CMC2: variants seen among roughly 807,000 people sequenced by gnomAD.
CMC2 encodes COX assembly mitochondrial protein 2 homolog.
In CMC2, 5 loss-of-function variants were observed where a neutral mutation model predicts 7.5. The ratio of observed to expected loss-of-function variants is 0.66; its 90% CI spans 0.35 to 1.40. The LOEUF is 1.40. Ranked by LOEUF, CMC2 falls within the 40% of genes most tolerant of loss-of-function variation. The pLI is 0.04. For missense variants in CMC2, 115 were observed against 92.3 expected (o/e 1.25, Z -1.01); for synonymous variants, 37 against 31.4 (o/e 1.18, Z -0.60).
chr16:80,997,214 G>A (rs1968495445), intron 2 of CMC2, 100 bp downstream of exon 2: 1 of 760,370 alleles, frequency 1.3e-6, no homozygotes, highest in Non-Finnish European at 2.3e-6. Context: ...TCCTTACTAA[G>A]ACATTATCGT....
chr16:80,976,064 T>C lies in CMC2; in HGVS notation c.*29A>G, dbSNP rs1473521020. 1 of 1,335,000 alleles carries C rather than the reference T, an allele frequency of 7.5e-7. No homozygotes were observed. Among genetic ancestry groups the C allele is most frequent in the South Asian group, 1.2e-5 (1 of 85,396 alleles). The allele number at this position is 1,335,000 out of a possible 1,614,324, so 82.7% of individuals were successfully genotyped here. ...CAACCCAGAGTCTTTAGGTCTTCTCTCAGCCAAGGCATCGAGTGAAAATAC... is the reference window on the plus strand; with the variant it reads ...CAACCCAGAGTCTTTAGGTCTTCTCCCAGCCAAGGCATCGAGTGAAAATAC... On this transcript the variant is annotated 3_prime_UTR_variant, in exon 4 of 4. Coordinates refer to ENST00000219400, the MANE Select transcript of CMC2 (RefSeq NM_020188.5).
intron 1 of CMC2, among the ~76,000 whole-genome samples, chr16:81,006,122 T>C (rs1229756703): frequency 6.6e-6 from 1 of 152,172 alleles, no homozygotes; most frequent in African/African-American, 2.4e-5. Flanking sequence ...ACTGATTTAC[T>C]TAAGACTCTA....
At chr16:80,988,568 GA>G in intron 2 of CMC2, 1 of 701,206 alleles carries the variant, frequency 1.4e-6, no homozygotes, top group East Asian at 2.7e-5. Context: ...CTTCTGAACC[GA>G]GTAAGTTGCA....
intron 3 of CMC2, among the ~76,000 whole-genome samples, chr16:80,977,560 T>C (rs765478280): frequency 2.0e-5 from 3 of 152,184 alleles, no homozygotes; most frequent in Non-Finnish European, 4.4e-5. Context: ...AGATTAGTGA[T>C]ACCGAGCTCA....
At chr16:80,977,205 C>T (rs1199899426) in intron 3 of CMC2, among the ~76,000 whole-genome samples, 2 of 152,190 alleles carry the variant, frequency 1.3e-5, no homozygotes, top group African/African-American at 4.8e-5. Context: ...TAATCAGCTA[C>T]ATATAAACAC....
At chr16:80,995,653 T>C (rs1274418648) in intron 2 of CMC2, among the ~76,000 whole-genome samples, 1 of 152,112 alleles carries the variant, frequency 6.6e-6, no homozygotes, top group East Asian at 1.9e-4. Context: ...TGAGACTCCA[T>C]CTCAAAAACA....
At position 80,972,806 on chromosome 16, in the gene CMC2, T is replaced by C. The variant is rs1912021130; in HGVS notation, c.*3287A>G. ...CCCTACAATGCCTTCCTGTTGCCCT[T>C]AGCAGGAAAGCCAGACTCCCTAAGA... On this transcript the variant is annotated 3_prime_UTR_variant, in exon 4 of 4. Coordinates refer to ENST00000219400, the MANE Select transcript of CMC2 (RefSeq NM_020188.5). 1 of 152,228 alleles carries C rather than the reference T, an allele frequency of 6.6e-6. No individual in the cohort carries two copies. Among genetic ancestry groups the C allele is most frequent in the Non-Finnish European group, 1.5e-5 (1 of 68,060 alleles). 9.4% of individuals were successfully genotyped at this position (152,228 alleles called of 1,614,324 possible). A position where few individuals can be genotyped will look rare whatever the true frequency, so the allele number is the denominator to read the frequency against.
chr16:80,981,557 A>G (rs1029511731), intron 3 of CMC2, among the ~76,000 whole-genome samples: 19 of 152,180 alleles, frequency 1.2e-4, no homozygotes, highest in African/African-American at 3.6e-4. Context: ...ATTCATCCAG[A>G]TGACCTACAG....
intron 2 of CMC2, 89 bp from the exon 3 acceptor site, chr16:80,981,966 G>A: frequency 1.4e-6 from 1 of 695,506 alleles, no homozygotes; most frequent in East Asian, 2.7e-5. Context: ...ACAGACATGA[G>A]TTTACAGTGT....
chr16:80,997,548 G>A (rs190398633), intron 1 of CMC2, 119 bp from the exon 2 acceptor site: 27 of 538,026 alleles, frequency 5.0e-5, no homozygotes, highest in African/African-American at 4.6e-4. Flanking sequence ...TTAACCAGCT[G>A]TGTGACCTCA....
intron 1 of CMC2, among the ~76,000 whole-genome samples, chr16:81,004,612 G>A (rs768217281): frequency 1.3e-5 from 2 of 152,228 alleles, no homozygotes; most frequent in Non-Finnish European, 1.5e-5. Flanking sequence ...ATTTTCAGCT[G>A]TCAAATGTGT....
Position 80,997,352 on chromosome 16 carries a change from T to C in CMC2, c.43A>G (p.Asn15Asp). 1 of 1,611,796 alleles carries C rather than the reference T, an allele frequency of 6.2e-7. No homozygotes were observed. Among genetic ancestry groups the C allele is most frequent in the Middle Eastern group, 1.7e-4 (1 of 6,056 alleles). ...TCCTTAAGCAAGTTAATCAAGACGT[T>C]GCATTCTTCAGTGTGCAAGTGTGGA... is the stretch of plus-strand genomic sequence containing the variant. ...LSPHLHTEEC[N>D]VLINLLKECH... is the part of the protein sequence containing the mutation. Residue 15 changes from asparagine to aspartate, a missense_variant, in exon 2 of 4, where the codon AAC becomes GAC. Transcript: ENST00000219400.
intron 3 of CMC2, chr16:80,978,159 T>C (rs984741595): frequency 5.8e-6 from 3 of 515,772 alleles, no homozygotes; most frequent in Admixed American, 6.0e-5. Flanking sequence ...AATTTACTCA[T>C]AAAATTGTTG....
At chr16:80,989,601 A>G (rs1054594019) in intron 2 of CMC2, among the ~76,000 whole-genome samples, 2 of 152,220 alleles carry the variant, frequency 1.3e-5, no homozygotes, top group Non-Finnish European at 2.9e-5. Flanking sequence ...TGTTTACGGA[A>G]GAGCGGTATT....
intron 2 of CMC2, among the ~76,000 whole-genome samples, chr16:80,993,402 G>C (rs559229409): frequency 9.3e-4 from 142 of 152,252 alleles, no homozygotes; most frequent in African/African-American, 3.1e-3. Context: ...AGAGGAATTC[G>C]GGCAGGCTGG....
At chr16:80,993,560 C>T (rs906370128) in intron 2 of CMC2, among the ~76,000 whole-genome samples, 2 of 152,162 alleles carry the variant, frequency 1.3e-5, no homozygotes, top group Admixed American at 1.3e-4. Flanking sequence ...ACAATTACAG[C>T]AGCTACAAGC....
At chr16:81,003,402 G>T (rs546784097) in intron 1 of CMC2, among the ~76,000 whole-genome samples, 1 of 152,208 alleles carries the variant, frequency 6.6e-6, no homozygotes, top group Non-Finnish European at 1.5e-5. Context: ...CTAAGCACAA[G>T]TCTTACAATG....
At position 80,975,378 on chromosome 16, in the gene CMC2, C is replaced by T. The variant is rs866929582; in HGVS notation, c.*715G>A. The T allele has an allele frequency of 2.0e-5, 3 of 152,270 alleles. No homozygotes were observed. The highest frequency in any genetic ancestry group is 4.8e-5 in the African/African-American group (2 of 41,428). 9.4% of individuals were successfully genotyped at this position (152,270 alleles called of 1,614,324 possible). ...CTTGTAATCCCAACACTTTGGGAGG[C>T]TGAAGTGGGCGGATCACCTAAGCTC... On this transcript the variant is annotated 3_prime_UTR_variant, in exon 4 of 4. Transcript: ENST00000219400.
At chr16:81,006,317 T>G (rs1969330285) in intron 1 of CMC2, among the ~76,000 whole-genome samples, 3 of 152,230 alleles carry the variant, frequency 2.0e-5, no homozygotes, top group African/African-American at 7.2e-5. Context: ...CCGCAAATTC[T>G]CAATTGCTAG....
Sources: allele counts gnomAD v4.1 joint callset (sites outside exome capture counted in the v4.1 genomes callset), GRCh38; gene constraint gnomAD v4.1.1; transcripts MANE v1.5; gene names NCBI Gene and HGNC (gene_info 2026-07-23, HGNC 2026-07-21).